The following DEFB110 variants were observed in gnomAD, a reference collection of about 807,000 sequenced individuals.
DEFB110 encodes the protein defensin beta 110, also known as beta-defensin 110.
DEFB110 carries 4 observed loss-of-function variants against 2.5 expected under a neutral mutation model. That is an observed-to-expected ratio of 1.60 (90% CI 0.79 to 3.66). The LOEUF is 3.66. Among genes scored for constraint, DEFB110 ranks in the 30% most tolerant of loss-of-function variants. DEFB110 has a pLI of 0.01. For missense variants in DEFB110, 94 were observed against 75.4 expected (o/e 1.25, Z -0.91); for synonymous variants, 29 against 21.8 (o/e 1.33, Z -0.92).
chr6:50,012,861 T>A (rs566188046), intron 1 of DEFB110, among the ~76,000 whole-genome samples: 57 of 151,752 alleles, frequency 3.8e-4, no homozygotes, highest in Non-Finnish European at 7.5e-4. Flanking sequence ...AAGACAACTA[T>A]TATTTGTTGG....
chr6:50,017,034 A>G (rs1467399816), downstream of DEFB110, among the ~76,000 whole-genome samples: 1 of 151,802 alleles, frequency 6.6e-6, no homozygotes, highest in Non-Finnish European at 1.5e-5. Flanking sequence ...TTAATAGTAT[A>G]TTAGGCCTCT....
rs555927069 is a variant in DEFB110, at chr6:50,020,286, G to A, written c.56-1161C>T. On this transcript the variant is annotated intron_variant, in intron 1 of 1. Coordinates refer to ENST00000371148, the MANE Select transcript of DEFB110 (RefSeq NM_001037497.2). ...TTATTTAGAATTGAATATATTTAGGGGGTTTGAGGACATTGGTTTGATTGG... is the reference window on the plus strand; with the variant it reads ...TTATTTAGAATTGAATATATTTAGGAGGTTTGAGGACATTGGTTTGATTGG... Among the ~76,000 whole-genome samples, 10 of 152,050 alleles carry A rather than the reference G, an allele frequency of 6.6e-5. No homozygotes were observed. In the South Asian group the frequency reaches 1.9e-3, roughly 28 times the overall value.
At chr6:50,019,264 C>G (rs1172436155) in intron 1 of DEFB110, 139 bp from the exon 2 acceptor site, 4 of 866,960 alleles carry the variant, frequency 4.6e-6, no homozygotes, top group Non-Finnish European at 7.0e-6. Flanking sequence ...AGTGAATTTA[C>G]TGTCCCTTGG....
downstream of DEFB110, among the ~76,000 whole-genome samples, chr6:50,016,645 G>C (rs987176652): frequency 6.6e-6 from 1 of 151,516 alleles, no homozygotes; most frequent in Non-Finnish European, 1.5e-5. Flanking sequence ...AAGGAAGCAG[G>C]CTGAAGAACT....
At chr6:50,013,237 T>C (rs1003529820) in intron 1 of DEFB110, among the ~76,000 whole-genome samples, 9 of 151,838 alleles carry the variant, frequency 5.9e-5, no homozygotes, top group Non-Finnish European at 1.3e-4. Flanking sequence ...GCAATATATA[T>C]GCTTCATTGC....
chr6:50,021,057 A>G (rs1196654108), intron 1 of DEFB110, among the ~76,000 whole-genome samples: 2 of 151,948 alleles, frequency 1.3e-5, no homozygotes, highest in Non-Finnish European at 2.9e-5. Context: ...TCTGACCTCT[A>G]CATGTGTTCT....
chr6:50,017,724 A>G (rs1054117537), downstream of DEFB110, among the ~76,000 whole-genome samples: 5 of 151,924 alleles, frequency 3.3e-5, no homozygotes, highest in Non-Finnish European at 7.4e-5. Context: ...AAATTTCCCC[A>G]TTCATGGCTT....
intron 1 of DEFB110, among the ~76,000 whole-genome samples, chr6:50,012,212 T>C (rs995776816): frequency 2.0e-5 from 3 of 152,012 alleles, no homozygotes; most frequent in Non-Finnish European, 2.9e-5. Context: ...GCTATCACAT[T>C]GTTACTAGTG....
Position 50,021,991 on chromosome 6 carries a change from T to G in DEFB110, c.-56A>C. 3 of 1,430,966 alleles carry G rather than the reference T, an allele frequency of 2.1e-6. No homozygotes were observed. The highest frequency in any genetic ancestry group is 2.8e-6 in the Non-Finnish European group (3 of 1,068,986). The allele number at this position is 1,430,966 out of a possible 1,614,324, so 88.6% of individuals were successfully genotyped here. On this transcript the variant is annotated 5_prime_UTR_variant, in exon 1 of 2. Transcript: ENST00000371148. The stretch of plus-strand genomic sequence containing the variant: ...CAGACCTCCTTTTTCAAGTCAGTTG[T>G]TTTGAAATAAGGAAACAGAGATCCC...
Position 50,018,889 on chromosome 6 carries a change from G to C in DEFB110, c.*88C>G, listed in dbSNP as rs1354507304. The C allele has an allele frequency of 1.3e-6, 2 of 1,489,908 alleles. No individual in the cohort carries two copies. The highest frequency in any genetic ancestry group is 4.9e-5 in the Admixed American group (2 of 40,492). The allele number at this position is 1,489,908 out of a possible 1,614,324, so 92.3% of individuals were successfully genotyped here. A position where few individuals can be genotyped will look rare whatever the true frequency, so the allele number is the denominator to read the frequency against. On this transcript the variant is annotated 3_prime_UTR_variant, in exon 2 of 2. Coordinates refer to ENST00000371148, the MANE Select transcript of DEFB110 (RefSeq NM_001037497.2). ...TTATTTAGTTCTTGTGTATTATAGA[G>C]ACACACACGCCTTGAAGGATGTGCT... is the stretch of plus-strand genomic sequence containing the variant.
chr6:50,017,720 C>T (rs552355084), downstream of DEFB110, among the ~76,000 whole-genome samples: 144 of 151,840 alleles, frequency 9.5e-4, no homozygotes, highest in Non-Finnish European at 1.8e-3. Context: ...AAAAAAATTT[C>T]CCCATTCATG....
downstream of DEFB110, among the ~76,000 whole-genome samples, chr6:50,017,949 A>G (rs1254515001): frequency 6.6e-6 from 1 of 151,958 alleles, no homozygotes; most frequent in African/African-American, 2.4e-5. Context: ...AATATTGGTT[A>G]ATTTTATTTT....
Position 50,018,856 on chromosome 6 carries a change from A to G in DEFB110, c.*121T>C, listed in dbSNP as rs1774363731. The G allele has an allele frequency of 7.0e-7, 1 of 1,436,070 alleles. No homozygotes were observed. The highest frequency in any genetic ancestry group is 1.5e-5 in the South Asian group (1 of 65,326). 89.0% of individuals were successfully genotyped at this position (1,436,070 alleles called of 1,614,324 possible). A position where few individuals can be genotyped will look rare whatever the true frequency, so the allele number is the denominator to read the frequency against. On this transcript the variant is annotated 3_prime_UTR_variant, in exon 2 of 2. Coordinates refer to ENST00000371148, the MANE Select transcript of DEFB110 (RefSeq NM_001037497.2). ...TATGATCACTTCTGAATGGTTCAAC[A>G]TTAATTTTTATTTAGTTCTTGTGTA...
At position 50,019,127 on chromosome 6, in the gene DEFB110, T is replaced by C. The variant is rs150306060; in HGVS notation, c.56-2A>G. The C allele has an allele frequency of 2.5e-6, 4 of 1,610,594 alleles. No homozygotes were observed. In the East Asian group the frequency reaches 6.7e-5, roughly 27 times the overall value. On this transcript the variant is annotated splice_acceptor_variant, in intron 1 of 1. Transcript: ENST00000371148. LOFTEE classifies it high-confidence loss of function. ...CATACTCAGGATATTTCTTTTTGGC[T>C]GTAAGAAGGGAAGAATGACTAAAAT...
downstream of DEFB110, among the ~76,000 whole-genome samples, chr6:50,014,497 T>C (rs1161825203): frequency 6.6e-6 from 1 of 151,880 alleles, no homozygotes; most frequent in South Asian, 2.1e-4. Context: ...GTTGGTAAAA[T>C]TTTTAAGAAT....
At chr6:50,018,008 A>G (rs1022374191), downstream of DEFB110, among the ~76,000 whole-genome samples, 2 of 152,062 alleles carry the variant, frequency 1.3e-5, no homozygotes, top group Admixed American at 6.6e-5. Context: ...TGTGGTATTG[A>G]CAATGTTTCT....
chr6:50,021,456 T>C (rs1774417215), intron 1 of DEFB110, among the ~76,000 whole-genome samples: 1 of 152,210 alleles, frequency 6.6e-6, no homozygotes, highest in African/African-American at 2.4e-5. Context: ...TCAAGTCCAA[T>C]CTGTCTGAAG....
downstream of DEFB110, among the ~76,000 whole-genome samples, chr6:50,017,446 A>G (rs1774337005): frequency 1.3e-5 from 2 of 151,882 alleles, no homozygotes; most frequent in Non-Finnish European, 2.9e-5. Context: ...GATATTTGGC[A>G]ATATAGGTAG....
intron 1 of DEFB110, among the ~76,000 whole-genome samples, chr6:50,010,226 A>G (rs756910469): frequency 4.1e-4 from 62 of 152,012 alleles, no homozygotes; most frequent in Non-Finnish European, 4.4e-4. Flanking sequence ...ATGAGGCAAA[A>G]TAATTTTGTT....
Sources: gnomAD v4.1 joint callset for allele counts (sites outside exome capture counted in the v4.1 genomes callset) on GRCh38, gnomAD v4.1.1 for gene constraint, MANE v1.5 for transcripts, NCBI Gene and HGNC (gene_info 2026-07-23, HGNC 2026-07-21) for gene names.